MATN3: variants seen among roughly 807,000 people sequenced by gnomAD.
MATN3 encodes the protein matrilin-3.
MATN3 carries 48 observed loss-of-function variants against 45.3 expected under a neutral mutation model. The ratio of observed to expected loss-of-function variants is 1.06; its 90% CI spans 0.84 to 1.35. The LOEUF is 1.35. MATN3 is among the 40% of genes most tolerant of loss of function. The probability of loss-of-function intolerance (pLI) is 0.00; values close to 1 mark genes in which losing one functional copy is unlikely to be tolerated. For synonymous variants in MATN3, 217 were observed against 245.9 expected (o/e 0.88, Z 1.10); for missense variants, 599 against 628.0 (o/e 0.95, Z 0.49).
At chr2:20,003,605 C>T (rs146537238) in intron 2 of MATN3, among the ~76,000 whole-genome samples, 4 of 152,108 alleles carry the variant, frequency 2.6e-5, no homozygotes, top group Admixed American at 1.3e-4. Flanking sequence ...TCCGCCTCCC[C>T]ATGAAAAAAA....
rs189461413 is a variant in MATN3, at chr2:20,008,011, G to C, written c.224-1701C>G. ...GGAGTCTCATTCTGTCACCCAGGCTGGAGTGCGGTGGTGCAATCTTGGCTC... is the reference window on the plus strand; with the variant it reads ...GGAGTCTCATTCTGTCACCCAGGCTCGAGTGCGGTGGTGCAATCTTGGCTC... On this transcript the variant is annotated intron_variant, in intron 1 of 7. Transcript: ENST00000407540. Among the ~76,000 whole-genome samples, 479 of 152,264 alleles carry C rather than the reference G, an allele frequency of 3.1e-3. 5 individuals carry two copies. Among genetic ancestry groups the C allele is most frequent in the African/African-American group, 0.011 (460 of 41,526 alleles).
rs774899612 is a variant in MATN3, at chr2:19,997,175, T to G, written c.1253A>C (p.Tyr418Ser). ...GTCCTCATTTAAGGTGTAGCCAGGA[T>G]AGCAATCACAGTGGTAGGATGCGGC... ...DGAASYHCDC[Y>S]PGYTLNEDKK... The change falls in exon 6 of 8, where the codon TAT becomes TCT. Residue 418 changes from tyrosine to serine, a missense_variant. Physicochemically the swap from Tyr to Ser is moderately radical, Grantham distance 144. Coordinates refer to ENST00000407540, the MANE Select transcript of MATN3 (RefSeq NM_002381.5). 4 of 1,613,834 alleles carry G rather than the reference T, an allele frequency of 2.5e-6. No individual in the cohort carries two copies. In the African/African-American group the frequency reaches 4.0e-5, roughly 16 times the overall value.
intron 1 of MATN3, among the ~76,000 whole-genome samples, chr2:20,007,779 A>G (rs760426956): frequency 1.8e-4 from 27 of 152,208 alleles, no homozygotes; most frequent in Non-Finnish European, 2.9e-5. Flanking sequence ...CCACCTTCAA[A>G]GAATTTATCT....
chr2:20,000,204 G>C (rs1672958365), intron 5 of MATN3, among the ~76,000 whole-genome samples: 1 of 152,132 alleles, frequency 6.6e-6, no homozygotes, highest in Non-Finnish European at 1.5e-5. Context: ...CCTACATTTA[G>C]TTAGTTTTTC....
At chr2:20,008,338 G>C (rs1241442408) in intron 1 of MATN3, among the ~76,000 whole-genome samples, 1 of 152,134 alleles carries the variant, frequency 6.6e-6, no homozygotes, top group Non-Finnish European at 1.5e-5. Flanking sequence ...TGAGGTCCTG[G>C]GGCATGAAGT....
In MATN3 at chr2:19,994,410, C is replaced by T; in HGVS notation, c.1295-1G>A. 6.3e-7 allele frequency: 1 copy of T among 1,576,208 alleles called. No individual in the cohort carries two copies. ...ACAAGTCTTCGTGCTTCCTCAGTGG[C>T]TGAAGACAATGACAGTACACAAATA... On this transcript the variant is annotated splice_acceptor_variant, in intron 6 of 7. Transcript: ENST00000407540. LOFTEE classifies it high-confidence loss of function.
Position 19,992,083 on chromosome 2 carries a change from T to C in MATN3, c.*1028A>G, listed in dbSNP as rs1299981057. Reference sequence around the variant, plus strand: ...AAAGAAATATCTTTAATAGACAAAATTGATGAGTCATCAAAAATAGACATG... The same window carrying C: ...AAAGAAATATCTTTAATAGACAAAACTGATGAGTCATCAAAAATAGACATG... On this transcript the variant is annotated 3_prime_UTR_variant, in exon 8 of 8. Transcript: ENST00000407540. 2 of 152,152 alleles carry C rather than the reference T, an allele frequency of 1.3e-5. No homozygotes were observed. Among genetic ancestry groups the C allele is most frequent in the African/African-American group, 2.4e-5 (1 of 41,436 alleles). 9.4% of individuals were successfully genotyped at this position (152,152 alleles called of 1,614,324 possible). A position where few individuals can be genotyped will look rare whatever the true frequency, so the allele number is the denominator to read the frequency against.
At position 20,006,042 on chromosome 2, in the gene MATN3, T is replaced by A. The variant is rs1191450373; in HGVS notation, c.492A>T (p.Leu164=). ...CTTCGTCCATTGCTGTCTGGATGGC[T>A]AGGCCTGACATGGTGCCTGTTGACA... is the stretch of plus-strand genomic sequence containing the variant. ...TPLSTGTMSG[L]AIQTAMDEAF... is the part of the protein sequence containing the mutation. The change falls in exon 2 of 8, where the codon CTA becomes CTT. Residue 164 remains leucine, a synonymous_variant. Transcript: ENST00000407540. 4 of 1,614,030 alleles carry A rather than the reference T, an allele frequency of 2.5e-6. 1 individual carries two copies. The South Asian group carries it at 4.4e-5, about 18-fold the overall frequency.
At chr2:19,994,953 A>T (rs1672834414) in intron 6 of MATN3, among the ~76,000 whole-genome samples, 1 of 152,138 alleles carries the variant, frequency 6.6e-6, no homozygotes, top group Non-Finnish European at 1.5e-5. Context: ...AGCCAGGCAT[A>T]GTGGCACACA....
intron 4 of MATN3, among the ~76,000 whole-genome samples, chr2:20,001,288 T>C (rs1672979686): frequency 6.6e-6 from 1 of 152,212 alleles, no homozygotes; most frequent in African/African-American, 2.4e-5. Context: ...ATTAATGTCC[T>C]TTTTCTGGTC....
At chr2:20,011,336 C>G (rs1572388401) in intron 1 of MATN3, among the ~76,000 whole-genome samples, 1 of 152,224 alleles carries the variant, frequency 6.6e-6, no homozygotes, top group African/African-American at 2.4e-5. Flanking sequence ...CTGGAGCAAC[C>G]AGCCACCAGC....
rs774059189 is a variant in MATN3 at position 20,005,736 on chromosome 2, C to A, written c.790+8G>T. ...TTTCTAGTTGGAAGCAAAGACTGACCAACTTACCACAGAAGGTTTCCTGGA... is the reference window on the plus strand; with the variant it reads ...TTTCTAGTTGGAAGCAAAGACTGACAAACTTACCACAGAAGGTTTCCTGGA... On this transcript the variant is annotated splice_region_variant and intron_variant, in intron 2 of 7. Coordinates refer to ENST00000407540, the MANE Select transcript of MATN3 (RefSeq NM_002381.5). 2.5e-6 allele frequency: 4 copies of A among 1,578,816 alleles called. No homozygotes were observed. The highest frequency in any genetic ancestry group is 2.3e-5 in the East Asian group (1 of 44,246).
At chr2:20,000,245 G>A (rs1672959284) in intron 5 of MATN3, among the ~76,000 whole-genome samples, 196 bp downstream of exon 5, 1 of 152,116 alleles carries the variant, frequency 6.6e-6, no homozygotes, top group Non-Finnish European at 1.5e-5. Flanking sequence ...CTATTTCCCA[G>A]TAATTTTCTG....
chr2:20,005,752 G>A lies in MATN3; in HGVS notation c.782C>T (p.Thr261Ile). The change falls in exon 2 of 8, where the codon ACC becomes ATC. Residue 261 changes from threonine (T) to isoleucine (I), a missense_variant. Physicochemically the swap from Thr to Ile is moderately conservative, Grantham distance 89. Coordinates refer to ENST00000407540, the MANE Select transcript of MATN3 (RefSeq NM_002381.5). ...AAGACTGACCAACTTACCACAGAAG[G>A]TTTCCTGGAATCTAGAGGAAAGTTT... is the stretch of plus-strand genomic sequence containing the variant. ...IEKLSSRFQE[T>I]FCALDPCVLG... The A allele has an allele frequency of 6.3e-7, 1 of 1,596,954 alleles. No homozygotes were observed. The highest frequency in any genetic ancestry group is 8.6e-7 in the Non-Finnish European group (1 of 1,168,646).
chr2:19,992,856 T>C lies in MATN3; in HGVS notation c.*255A>G. On this transcript the variant is annotated 3_prime_UTR_variant, in exon 8 of 8. Coordinates refer to ENST00000407540, the MANE Select transcript of MATN3 (RefSeq NM_002381.5). ...ACACTAAACTTTTCATTCTATTTCC[T>C]ACCAATCATTTCACAGTCATAACTT... 1 of 442,520 alleles carries C rather than the reference T, an allele frequency of 2.3e-6. No individual in the cohort carries two copies. Among genetic ancestry groups the C allele is most frequent in the Non-Finnish European group, 4.0e-6 (1 of 252,742 alleles). 27.4% of individuals were successfully genotyped at this position (442,520 alleles called of 1,614,324 possible). A position where few individuals can be genotyped will look rare whatever the true frequency, so the allele number is the denominator to read the frequency against.
rs369578877 is a variant in MATN3, at chr2:20,004,393, C to A, written c.791-1107G>T. Reference sequence around the variant, plus strand: ...ACCAGCATGTTGATGGAGAGGCTCTCACCCACAAGCATGGAGTGGGAGGGT... The same window carrying A: ...ACCAGCATGTTGATGGAGAGGCTCTAACCCACAAGCATGGAGTGGGAGGGT... On this transcript the variant is annotated intron_variant, in intron 2 of 7. Transcript: ENST00000407540. Among the ~76,000 whole-genome samples the A allele has an allele frequency of 2.0e-5, 3 of 152,226 alleles. No individual in the cohort carries two copies. In the East Asian group the frequency reaches 5.8e-4, roughly 29 times the overall value.
chr2:20,008,690 G>A, intron 1 of MATN3, among the ~76,000 whole-genome samples: 1 of 152,052 alleles, frequency 6.6e-6, no homozygotes, highest in East Asian at 1.9e-4. Context: ...TCATTTTACA[G>A]GTGAGAAACC....
intron 1 of MATN3, among the ~76,000 whole-genome samples, chr2:20,010,410 C>T (rs1055031199): frequency 2.0e-5 from 3 of 152,180 alleles, no homozygotes; most frequent in African/African-American, 2.4e-5. Context: ...AAGACGTCCA[C>T]GTCCTAATTC....
chr2:19,994,297 A>T lies in MATN3; in HGVS notation c.1405+2T>A. The stretch of plus-strand genomic sequence containing the variant: ...AAGGAGAAAACCTTCCAGAAAGGAT[A>T]TGTTTAGTGTTCAGTCTTTGAAGAT... On this transcript the variant is annotated splice_donor_variant, in intron 7 of 7. Transcript: ENST00000407540. LOFTEE classifies it high-confidence loss of function. The T allele has an allele frequency of 6.2e-7, 1 of 1,601,900 alleles. No individual in the cohort carries two copies. The highest frequency in any genetic ancestry group is 8.5e-7 in the Non-Finnish European group (1 of 1,169,774).
Sources: gnomAD v4.1 joint callset for allele counts (sites outside exome capture counted in the v4.1 genomes callset) on GRCh38, gnomAD v4.1.1 for gene constraint, MANE v1.5 for transcripts, NCBI Gene and HGNC (gene_info 2026-07-23, HGNC 2026-07-21) for gene names.